ATOSA: variants seen among roughly 807,000 people sequenced by gnomAD.
ATOSA encodes atos homolog A.
the ATOSA span, among the ~76,000 whole-genome samples, chr15:52,680,443 T>A: frequency 6.6e-6 from 1 of 152,064 alleles, no homozygotes; most frequent in African/African-American, 2.4e-5. Flanking sequence ...GGGATTTTTT[T>A]TATTTGTGCC....
the ATOSA span, among the ~76,000 whole-genome samples, chr15:52,646,911 C>T: frequency 4.0e-5 from 5 of 123,774 alleles, no homozygotes; most frequent in Middle Eastern, 4.2e-3. Flanking sequence ...AAGATGCTGA[C>T]GTACAGCAAT....
At chr15:52,689,812 A>G in the ATOSA span, among the ~76,000 whole-genome samples, 1 of 152,228 alleles carries the variant, frequency 6.6e-6, no homozygotes, top group South Asian at 2.1e-4. Context: ...TGCATCAGAC[A>G]TGCAGAGTTA....
At chr15:52,609,359 T>C in the ATOSA span, 154 of 1,613,856 alleles carry the variant, frequency 9.5e-5, no homozygotes, top group Middle Eastern at 1.5e-3. Flanking sequence ...CTAAACACTT[T>C]AGATGCAACC....
At chr15:52,591,197 A>G in the ATOSA span, among the ~76,000 whole-genome samples, 4 of 152,210 alleles carry the variant, frequency 2.6e-5, no homozygotes, top group Non-Finnish European at 5.9e-5. Flanking sequence ...AATGGCCAAC[A>G]GGGACTCTGT....
the ATOSA span, among the ~76,000 whole-genome samples, chr15:52,595,813 G>T: frequency 6.6e-6 from 1 of 152,124 alleles, no homozygotes; most frequent in African/African-American, 2.4e-5. Context: ...TCTACAAAAA[G>T]ATATCAAAAA....
the ATOSA span, chr15:52,584,903 A>C: frequency 1.9e-6 from 3 of 1,612,908 alleles, no homozygotes; most frequent in African/African-American, 4.0e-5. Flanking sequence ...CATATATCAC[A>C]ACAAACATCT....
chr15:52,677,607 G>C, the ATOSA span, among the ~76,000 whole-genome samples: 1 of 152,156 alleles, frequency 6.6e-6, no homozygotes, highest in Non-Finnish European at 1.5e-5. Flanking sequence ...TCAAGCTTAA[G>C]TTTTCTCTTC....
the ATOSA span, chr15:52,609,650 T>C: frequency 1.2e-6 from 2 of 1,613,512 alleles, no homozygotes; most frequent in Non-Finnish European, 8.5e-7. Flanking sequence ...AAAGCTTCTT[T>C]ACCTTTTCCC....
the ATOSA span, chr15:52,678,597 T>C: frequency 6.5e-6 from 1 of 152,950 alleles, no homozygotes; most frequent in African/African-American, 2.4e-5. Flanking sequence ...CTGGCTAGCC[T>C]TCCTGCGGCA....
At chr15:52,678,365 G>A in the ATOSA span, 1 of 435,584 alleles carries the variant, frequency 2.3e-6, no homozygotes, top group Non-Finnish European at 4.2e-6. Context: ...AACCAAAACA[G>A]GATCTATTTA....
chr15:52,690,086 G>A, the ATOSA span, among the ~76,000 whole-genome samples: 1 of 152,152 alleles, frequency 6.6e-6, no homozygotes, highest in East Asian at 1.9e-4. Context: ...AAGGCAACCT[G>A]AACATTTCTG....
chr15:52,669,978 C>T, the ATOSA span, among the ~76,000 whole-genome samples: 2 of 152,328 alleles, frequency 1.3e-5, no homozygotes, highest in East Asian at 3.9e-4. Context: ...GTTCCCACCT[C>T]TGCCTCACTC....
the ATOSA span, among the ~76,000 whole-genome samples, chr15:52,652,348 C>T: frequency 2.0e-5 from 3 of 152,144 alleles, no homozygotes; most frequent in East Asian, 5.8e-4. Context: ...TAGTGATGCA[C>T]ATAAACTGAA....
the ATOSA span, among the ~76,000 whole-genome samples, chr15:52,596,803 G>GT: frequency 1.3e-5 from 2 of 152,138 alleles, no homozygotes; most frequent in Non-Finnish European, 2.9e-5. Flanking sequence ...AACATCAAAA[G>GT]TAAGATTCAT....
At chr15:52,650,938 GA>G in the ATOSA span, among the ~76,000 whole-genome samples, 1 of 152,132 alleles carries the variant, frequency 6.6e-6, no homozygotes, top group African/African-American at 2.4e-5. Context: ...CAGTATTTGA[GA>G]AAGATACAAA....
the ATOSA span, chr15:52,658,074 T>C: frequency 6.6e-6 from 1 of 152,216 alleles, no homozygotes. Context: ...CAAATAGATA[T>C]TGGTTTTTAC....
the ATOSA span, chr15:52,608,838 C>T: frequency 1.2e-6 from 2 of 1,607,324 alleles, no homozygotes; most frequent in East Asian, 2.2e-5. Flanking sequence ...AATATTCAGA[C>T]ATTTCCAACA....
At chr15:52,704,298 G>A in the ATOSA span, among the ~76,000 whole-genome samples, 3 of 152,172 alleles carry the variant, frequency 2.0e-5, no homozygotes, top group African/African-American at 7.2e-5. Flanking sequence ...AAACTAGCTA[G>A]CCATATGTAG....
the ATOSA span, among the ~76,000 whole-genome samples, chr15:52,644,691 A>G: frequency 1.3e-5 from 2 of 152,206 alleles, no homozygotes; most frequent in African/African-American, 4.8e-5. Flanking sequence ...TTAATTGCCA[A>G]TTGTTTTTCT....
Sources: allele counts gnomAD v4.1 joint callset (sites outside exome capture counted in the v4.1 genomes callset), GRCh38; gene constraint gnomAD v4.1.1; transcripts MANE v1.5; gene names NCBI Gene and HGNC (gene_info 2026-07-23, HGNC 2026-07-21).